Variants in AGAP3 observed in about 807,000 individuals in gnomAD.
The protein encoded by AGAP3 is ArfGAP with GTPase domain, ankyrin repeat and PH domain 3.
A neutral mutation model predicts 96.9 loss-of-function variants in AGAP3; 24 were observed. That is an observed-to-expected ratio of 0.25 (90% CI 0.18 to 0.35). AGAP3 has a LOEUF of 0.35. Ranked by LOEUF, AGAP3 falls within the 10% of genes least tolerant of loss-of-function variation. The pLI is 1.00. For missense variants in AGAP3, 876 were observed against 1,254.2 expected, an observed-to-expected ratio of 0.70 and a Z score of 4.55; for synonymous variants, 563 against 536.1, an observed-to-expected ratio of 1.05 and a Z score of -0.69.
At chr7:151,089,119 A>C (rs1585028079) in intron 1 of AGAP3, among the ~76,000 whole-genome samples, 9 of 144,668 alleles carry the variant, frequency 6.2e-5, no homozygotes, top group East Asian at 2.1e-4. Context: ...TATCCACCTC[A>C]CCCGTCTTGC....
Position 151,116,834 on chromosome 7 carries a change from G to A in AGAP3, c.373G>A (p.Val125Ile), listed in dbSNP as rs28633387. 1.9e-6 allele frequency: 3 copies of A among 1,613,990 alleles called. No individual in the cohort carries two copies. The highest frequency in any genetic ancestry group is 1.3e-5 in the African/African-American group (1 of 74,914). ...CCAGGAGTGGACGCTGAGCCGCTCC[G>A]TACCGGAGCTTAAAGTGGTGAGTGT... ...NSQEWTLSRS[V>I]PELKVGIVGN... is the part of the protein sequence containing the mutation. The change falls in exon 2 of 18, where the codon GTA becomes ATA. Residue 125 changes from valine to isoleucine, a missense_variant. Val to Ile is a conservative substitution (Grantham distance 29). Transcript: ENST00000397238.
intron 9 of AGAP3, among the ~76,000 whole-genome samples, chr7:151,124,937 C>T (rs1800093941): frequency 6.6e-6 from 1 of 152,240 alleles, no homozygotes; most frequent in African/African-American, 2.4e-5. Context: ...TTATGTCTGG[C>T]AGTGACCACC....
In AGAP3 at chr7:151,128,681, G is replaced by A. The variant is rs371873890; in HGVS notation, c.1323G>A (p.Leu441=). ...GGCTGCTCACCTATCACCCCAGCCTGCATGTGAGTCTGGGAGGAGGAGCCT... is the reference window on the plus strand; with the variant it reads ...GGCTGCTCACCTATCACCCCAGCCTACATGTGAGTCTGGGAGGAGGAGCCT... ...DNGLLTYHPS[L]HDYMQNIHGK... is the part of the protein sequence containing the mutation. Residue 441 remains leucine, a synonymous_variant, in exon 10 of 18, where the codon CTG becomes CTA. Transcript: ENST00000397238. 1.2e-4 allele frequency: 192 copies of A among 1,612,938 alleles called. 1 individual carries two copies. Among genetic ancestry groups the A allele is most frequent in the Non-Finnish European group, 1.5e-4 (178 of 1,179,382 alleles).
chr7:151,140,309 T>C lies in AGAP3; in HGVS notation c.1804+193T>C. 1 of 549,468 alleles carries C rather than the reference T, an allele frequency of 1.8e-6. No homozygotes were observed. The highest frequency in any genetic ancestry group is 2.8e-6 in the Non-Finnish European group (1 of 362,326). 34.0% of individuals were successfully genotyped at this position (549,468 alleles called of 1,614,324 possible). A position where few individuals can be genotyped will look rare whatever the true frequency, so the allele number is the denominator to read the frequency against. Reference sequence around the variant, plus strand: ...TGGTATCTTAGAAAAGTTCTTCTGATAACTGAAACCCTTTCTGTTGAAATG... The same window carrying C: ...TGGTATCTTAGAAAAGTTCTTCTGACAACTGAAACCCTTTCTGTTGAAATG... On this transcript the variant is annotated intron_variant, in intron 13 of 17. Transcript: ENST00000397238. This position sits in a 1 kb window ranked among gnomAD's most constrained non-coding sequence, Gnocchi z 5.4.
At chr7:151,129,582 C>T (rs1420876924) in intron 10 of AGAP3, among the ~76,000 whole-genome samples, 6 of 152,194 alleles carry the variant, frequency 3.9e-5, no homozygotes, top group Admixed American at 1.3e-4. Context: ...GCCAGTCAGC[C>T]GCTCGCCCTT....
rs1799603102 is a variant in AGAP3, at chr7:151,116,739, G to A, written c.332-54G>A. 4 of 1,603,166 alleles carry A rather than the reference G, an allele frequency of 2.5e-6. No homozygotes were observed. The African/African-American group carries it at 4.0e-5, about 16-fold the overall frequency. On this transcript the variant is annotated intron_variant, in intron 1 of 17. Transcript: ENST00000397238. The stretch of plus-strand genomic sequence containing the variant: ...ATAGGTGACACAGGCAGCAGTGGTT[G>A]GGACAGGTGTGTGTGCCACCCTGGC...
intron 8 of AGAP3, chr7:151,123,490 G>C: frequency 8.4e-7 from 1 of 1,194,628 alleles, no homozygotes; most frequent in East Asian, 4.3e-5. Flanking sequence ...CCACCTCCTC[G>C]CCCCCGCTTC....
At chr7:151,123,541 C>T in intron 8 of AGAP3, 12 of 1,314,734 alleles carry the variant, frequency 9.1e-6, no homozygotes, top group South Asian at 2.0e-5. Context: ...GCGCCCTCGG[C>T]CTCTCTGTCC....
At chr7:151,091,304 T>G (rs997199079) in intron 1 of AGAP3, among the ~76,000 whole-genome samples, 12 of 152,240 alleles carry the variant, frequency 7.9e-5, no homozygotes, top group Non-Finnish European at 1.5e-4. Context: ...GTTTAGGGAC[T>G]GAGTGTCTCA....
chr7:151,127,353 C>T (rs182906049), intron 9 of AGAP3, among the ~76,000 whole-genome samples: 5 of 152,306 alleles, frequency 3.3e-5, no homozygotes, highest in Admixed American at 1.3e-4. Flanking sequence ...CCTCTCTGGG[C>T]GCCCCCTCCT....
At chr7:151,138,658 C>T (rs1218260241) in intron 12 of AGAP3, among the ~76,000 whole-genome samples, 1 of 152,220 alleles carries the variant, frequency 6.6e-6, no homozygotes, top group Non-Finnish European at 1.5e-5. Flanking sequence ...CTGGTGGTGG[C>T]TCCCGCATCC....
At chr7:151,101,354 TCTC>T (rs1160317483) in intron 1 of AGAP3, among the ~76,000 whole-genome samples, 1 of 152,154 alleles carries the variant, frequency 6.6e-6, no homozygotes, top group Non-Finnish European at 1.5e-5. Context: ...GGCTGGATGG[TCTC>T]CTTCTGAGGC....
intron 1 of AGAP3, chr7:151,115,011 CG>C: frequency 1.0e-6 from 1 of 989,412 alleles, no homozygotes; most frequent in South Asian, 4.5e-5. Flanking sequence ...CGGCCTCCTG[CG>C]CCCGCGCCTC....
At chr7:151,119,390 ATC>A (rs1799757785) in intron 7 of AGAP3, 1 of 156,360 alleles carries the variant, frequency 6.4e-6, no homozygotes, top group South Asian at 2.0e-4. Context: ...CCATTCTGTG[ATC>A]TCTGTCTTTT....
At chr7:151,120,666 C>T (rs1585081652) in intron 8 of AGAP3, 1 of 1,275,702 alleles carries the variant, frequency 7.8e-7, no homozygotes, top group Non-Finnish European at 1.0e-6. Context: ...ATGCTTTCCA[C>T]CCACCGCTGT....
chr7:151,102,397 T>C (rs1798866812), intron 1 of AGAP3, among the ~76,000 whole-genome samples: 1 of 152,162 alleles, frequency 6.6e-6, no homozygotes, highest in Admixed American at 6.5e-5. Context: ...TGTCACAAGA[T>C]TGACAGCTTC....
At chr7:151,102,615 AT>A (rs1182579992) in intron 1 of AGAP3, among the ~76,000 whole-genome samples, 47 of 148,202 alleles carry the variant, frequency 3.2e-4, no homozygotes, top group African/African-American at 1.2e-3. Flanking sequence ...AAAAAAAAAA[AT>A]TTCTTTTTTT....
In AGAP3 at chr7:151,142,394, TCTC is replaced by T; in HGVS notation, c.2051-14_2051-12del. On this transcript the variant is annotated splice_polypyrimidine_tract_variant and intron_variant, in intron 15 of 17. Coordinates refer to ENST00000397238, the MANE Select transcript of AGAP3 (RefSeq NM_031946.7). This position sits in a 1 kb window ranked among gnomAD's most constrained non-coding sequence, Gnocchi z 7.5. ...GGCCTGCCTGCTGTCGCTGTATCAT[TCTC>T]CTCTCCTTGCCTAGATCCAGACTGG... The T allele has an allele frequency of 6.2e-7, 1 of 1,609,922 alleles. No individual in the cohort carries two copies. Among genetic ancestry groups the T allele is most frequent in the Non-Finnish European group, 8.5e-7 (1 of 1,176,866 alleles).
At position 151,118,085 on chromosome 7, in the gene AGAP3, C is replaced by A; in HGVS notation, c.707-125C>A. 1 of 1,325,906 alleles carries A rather than the reference C, an allele frequency of 7.5e-7. No homozygotes were observed. Among genetic ancestry groups the A allele is most frequent in the Non-Finnish European group, 1.0e-6 (1 of 969,824 alleles). The allele number at this position is 1,325,906 out of a possible 1,614,324, so 82.1% of individuals were successfully genotyped here. A position where few individuals can be genotyped will look rare whatever the true frequency, so the allele number is the denominator to read the frequency against. On this transcript the variant is annotated intron_variant, in intron 5 of 17. Transcript: ENST00000397238. This position sits in a 1 kb window ranked among gnomAD's most constrained non-coding sequence, Gnocchi z 6.1. ...GAAATGAGACCCAGGCACCCGCGTT[C>A]TTGGTGCTCTGTGTGTTCCACTCAC...
Sources: allele counts gnomAD v4.1 joint callset (sites outside exome capture counted in the v4.1 genomes callset), GRCh38; gene constraint gnomAD v4.1.1; non-coding constraint Gnocchi (gnomAD v3.1); transcripts MANE v1.5; gene names NCBI Gene and HGNC (gene_info 2026-07-23, HGNC 2026-07-21).